RNF157: variants seen among roughly 807,000 people sequenced by gnomAD.
RNF157 encodes the protein ring finger protein 157, also known as E3 ubiquitin ligase RNF157.
Under a neutral mutation model 88.3 loss-of-function variants are expected in RNF157, and 55 were observed. That is an observed-to-expected ratio of 0.62 (90% CI 0.50 to 0.78). The LOEUF is 0.78. Ranked by LOEUF, RNF157 falls within the 30% of genes least tolerant of loss-of-function variation. The probability of loss-of-function intolerance (pLI) is 0.00; values close to 1 mark genes in which losing one functional copy is unlikely to be tolerated. For missense variants in RNF157, 788 were observed against 860.8 expected, an observed-to-expected ratio of 0.92 and a Z score of 1.06; for synonymous variants, 334 against 341.2, an observed-to-expected ratio of 0.98 and a Z score of 0.23.
Position 76,226,927 on chromosome 17 carries a change from G to A in RNF157, c.88+13226C>T, listed in dbSNP as rs144488826. 1.6e-3 allele frequency: 1,229 copies of A among 761,160 alleles called. 9 individuals carry two copies. In the African/African-American group the frequency reaches 0.02, roughly 12 times the overall value. The allele number at this position is 761,160 out of a possible 1,614,324, so 47.2% of individuals were successfully genotyped here. A position where few individuals can be genotyped will look rare whatever the true frequency, so the allele number is the denominator to read the frequency against. The stretch of plus-strand genomic sequence containing the variant: ...ATGGCTTAAGCCGCTGGGGGGTGCC[G>A]CTGCAGAGCCTGGTGCTGCTGCCGC... On this transcript the variant is annotated intron_variant, in intron 1 of 18. Coordinates refer to ENST00000269391, the MANE Select transcript of RNF157 (RefSeq NM_052916.3).
intron 6 of RNF157, 114 bp from the exon 7 acceptor site, chr17:76,165,659 A>G: frequency 1.8e-6 from 2 of 1,109,856 alleles, no homozygotes; most frequent in Non-Finnish European, 2.7e-6. Flanking sequence ...CTGTCTCTAG[A>G]AGGGGCACGT....
chr17:76,226,246 A>G, intron 1 of RNF157: 1 of 1,610,098 alleles, frequency 6.2e-7, no homozygotes, highest in South Asian at 1.1e-5. Flanking sequence ...CTTCAGTGAT[A>G]TCCACTTCAC....
intron 2 of RNF157, among the ~76,000 whole-genome samples, chr17:76,211,200 T>C (rs2069793295): frequency 6.6e-6 from 1 of 152,232 alleles, no homozygotes; most frequent in Non-Finnish European, 1.5e-5. Flanking sequence ...CCTATCACAG[T>C]ACCTGACACG....
chr17:76,231,407 T>C (rs900369418), intron 1 of RNF157, among the ~76,000 whole-genome samples: 2 of 152,332 alleles, frequency 1.3e-5, no homozygotes, highest in African/African-American at 4.8e-5. Context: ...TTTCAGAAAG[T>C]GGCTTGTCTT....
chr17:76,223,656 C>T (rs1203755044), intron 1 of RNF157, among the ~76,000 whole-genome samples: 1 of 152,134 alleles, frequency 6.6e-6, no homozygotes, highest in Non-Finnish European at 1.5e-5. Flanking sequence ...GTCTCAAAAA[C>T]ATTTTGTTTT....
chr17:76,191,526 C>T (rs977223271), intron 2 of RNF157, among the ~76,000 whole-genome samples: 6 of 148,242 alleles, frequency 4.0e-5, no homozygotes, highest in Non-Finnish European at 8.9e-5. Flanking sequence ...TGCTTGAACC[C>T]GGAGGTGGAG....
Position 76,164,551 on chromosome 17 carries a change from G to A in RNF157, c.720+197C>T, listed in dbSNP as rs1168955545. 7.4e-6 allele frequency: 3 copies of A among 405,678 alleles called. No individual in the cohort carries two copies. In the East Asian group the frequency reaches 1.1e-4, roughly 15 times the overall value. 25.1% of individuals were successfully genotyped at this position (405,678 alleles called of 1,614,324 possible). On this transcript the variant is annotated intron_variant, in intron 8 of 18. Coordinates refer to ENST00000269391, the MANE Select transcript of RNF157 (RefSeq NM_052916.3). ...TCAGCATTCCTTTCAGGCCACCCAA[G>A]TCGTTTGTAATAGCTTGTAACATTC...
At chr17:76,227,652 C>T (rs1438621296) in intron 1 of RNF157, among the ~76,000 whole-genome samples, 1 of 151,698 alleles carries the variant, frequency 6.6e-6, no homozygotes, top group Non-Finnish European at 1.5e-5. Context: ...CCGAGGTGGG[C>T]GGATCACCTG....
intron 2 of RNF157, among the ~76,000 whole-genome samples, chr17:76,193,955 T>C (rs960078572): frequency 1.3e-5 from 2 of 152,232 alleles, no homozygotes; most frequent in East Asian, 3.9e-4. Context: ...TTCTCTGGGG[T>C]ACACGTCCAC....
chr17:76,173,839 C>G (rs753120628), intron 2 of RNF157, 49 bp from the exon 3 acceptor site: 110 of 1,476,056 alleles, frequency 7.5e-5, no homozygotes, highest in Non-Finnish European at 1.0e-4. Flanking sequence ...AAAAGACCCA[C>G]AGCTGTCCCT....
chr17:76,209,847 C>T (rs2069751274), intron 2 of RNF157, among the ~76,000 whole-genome samples: 1 of 152,118 alleles, frequency 6.6e-6, no homozygotes, highest in African/African-American at 2.4e-5. Context: ...GCAACCTCCG[C>T]CTCCTGGGTT....
chr17:76,170,361 T>A (rs963938651), intron 3 of RNF157, among the ~76,000 whole-genome samples: 1 of 152,174 alleles, frequency 6.6e-6, no homozygotes, highest in Non-Finnish European at 1.5e-5. Context: ...CCCAAGTAGC[T>A]GGGACTACAG....
intron 2 of RNF157, chr17:76,202,802 C>G (rs2069608445): frequency 6.5e-6 from 1 of 153,290 alleles, no homozygotes; most frequent in Admixed American, 6.6e-5. Context: ...TAAATTGGTC[C>G]ATGGTTCTAG....
rs1229174940 is a variant in RNF157 at position 76,172,632 on chromosome 17, A to AAT, written c.296+1069_296+1070insAT. On this transcript the variant is annotated intron_variant, in intron 3 of 18. Transcript: ENST00000269391. ...CAAAAAAAAAAAAAAAAAAAAAAAA[A>AAT]AGGCGAGACTCTGTCTCAAATATAT... Among the ~76,000 whole-genome samples the AAT allele has an allele frequency of 5.3e-4, 78 of 147,830 alleles. No individual in the cohort carries two copies. In the South Asian group the frequency reaches 0.016, roughly 30 times the overall value.
At chr17:76,175,657 A>ATT (rs2069091033) in intron 2 of RNF157, 1 of 564,332 alleles carries the variant, frequency 1.8e-6, no homozygotes. Context: ...AAGCCAAAAT[A>ATT]AATGACTTTG....
chr17:76,154,758 C>G (rs1598387963), intron 16 of RNF157: 1 of 227,534 alleles, frequency 4.4e-6, no homozygotes, highest in Non-Finnish European at 8.7e-6. Context: ...TCACTGTGAG[C>G]TGGCGTTCCA....
At position 76,161,683 on chromosome 17, in the gene RNF157, A is replaced by C; in HGVS notation, c.953-36T>G. ...GAAAACAGGCAATCAGGACATCCTGATACAGGATTAAGAATGAACAAGAGC... is the reference window on the plus strand; with the variant it reads ...GAAAACAGGCAATCAGGACATCCTGCTACAGGATTAAGAATGAACAAGAGC... On this transcript the variant is annotated intron_variant, in intron 10 of 18. Transcript: ENST00000269391. This position sits in a 1 kb window ranked among gnomAD's most constrained non-coding sequence, Gnocchi z 4.6. The C allele has an allele frequency of 6.3e-7, 1 of 1,578,852 alleles. No individual in the cohort carries two copies. Among genetic ancestry groups the C allele is most frequent in the Non-Finnish European group, 8.7e-7 (1 of 1,150,302 alleles).
intron 1 of RNF157, among the ~76,000 whole-genome samples, chr17:76,216,130 TG>T (rs1472594237): frequency 3.3e-5 from 5 of 152,200 alleles, no homozygotes; most frequent in African/African-American, 1.2e-4. Context: ...ATGGATGGCT[TG>T]CCCAAATCAT....
At chr17:76,233,875 C>G (rs2070236687) in intron 1 of RNF157, among the ~76,000 whole-genome samples, 1 of 152,192 alleles carries the variant, frequency 6.6e-6, no homozygotes, top group Non-Finnish European at 1.5e-5. Context: ...TTATATACCA[C>G]AGAATTCACC....
Sources: allele counts gnomAD v4.1 joint callset (sites outside exome capture counted in the v4.1 genomes callset), GRCh38; gene constraint gnomAD v4.1.1; non-coding constraint Gnocchi (gnomAD v3.1); transcripts MANE v1.5; gene names NCBI Gene and HGNC (gene_info 2026-07-23, HGNC 2026-07-21).